The following ARHGAP23 variants were observed in gnomAD, a reference collection of about 807,000 sequenced individuals.
ARHGAP23 encodes rho GTPase-activating protein 23.
Under a neutral mutation model 136.3 loss-of-function variants are expected in ARHGAP23, and 34 were observed. The ratio of observed to expected loss-of-function variants is 0.25; its 90% CI spans 0.19 to 0.33. ARHGAP23 has a LOEUF of 0.33. Among genes scored for constraint, ARHGAP23 ranks in the 10% least tolerant of loss-of-function variants. ARHGAP23 has a pLI of 1.00. For missense variants in ARHGAP23, 1,808 were observed against 2,139.0 expected, an observed-to-expected ratio of 0.85 and a Z score of 3.05; for synonymous variants, 832 against 920.5, an observed-to-expected ratio of 0.90 and a Z score of 1.74.
chr17:38,498,322 G>C lies in ARHGAP23; in HGVS notation c.3319-92G>C. ...CCAGTGAGCCCGGTCTGATGGAGGA[G>C]ACATGGGCTCTGTCATCAGGGCACC... On this transcript the variant is annotated intron_variant, in intron 21 of 23. Coordinates refer to ENST00000622683, the MANE Select transcript of ARHGAP23 (RefSeq NM_001199417.2). 3.1e-6 allele frequency: 3 copies of C among 975,886 alleles called. No homozygotes were observed. The South Asian group carries it at 5.1e-5, about 17-fold the overall frequency. 60.5% of individuals were successfully genotyped at this position (975,886 alleles called of 1,614,324 possible).
intron 1 of ARHGAP23, among the ~76,000 whole-genome samples, chr17:38,423,126 C>T (rs575312223): frequency 1.8e-4 from 27 of 152,284 alleles, no homozygotes; most frequent in African/African-American, 6.0e-4. Flanking sequence ...TGTTGCCCTC[C>T]GTGGAATATG....
Position 38,499,127 on chromosome 17 carries a change from A to G in ARHGAP23, c.3415+617A>G, listed in dbSNP as rs544507673. Among the ~76,000 whole-genome samples the G allele has an allele frequency of 1.7e-3, 255 of 152,130 alleles. 1 individual carries two copies. Among genetic ancestry groups the G allele is most frequent in the South Asian group, 0.014 (67 of 4,822 alleles). On this transcript the variant is annotated intron_variant, in intron 22 of 23. Coordinates refer to ENST00000622683, the MANE Select transcript of ARHGAP23 (RefSeq NM_001199417.2). ...AGCAGTCCATGCCCCTCCCATTCTA[A>G]AGCCCCTTCTCAGGAGGAAGGAGGC...
At chr17:38,427,767 G>C (rs1597730675), upstream of ARHGAP23, among the ~76,000 whole-genome samples, 1 of 152,180 alleles carries the variant, frequency 6.6e-6, no homozygotes, top group South Asian at 2.1e-4. Context: ...TTCTATGCTC[G>C]ACTCCCCCTC....
intron 2 of ARHGAP23, 58 bp from the exon 3 acceptor site, chr17:38,460,847 C>T: frequency 6.5e-7 from 1 of 1,535,988 alleles, no homozygotes; most frequent in East Asian, 2.4e-5. Flanking sequence ...GGAGCTGGGC[C>T]ACCCCTGGCT....
At chr17:38,435,886 C>A (rs751687443) in intron 1 of ARHGAP23, among the ~76,000 whole-genome samples, 2 of 152,246 alleles carry the variant, frequency 1.3e-5, no homozygotes, top group African/African-American at 4.8e-5. Context: ...CAGGCGTGAG[C>A]CACCGTGCCT....
intron 1 of ARHGAP23, among the ~76,000 whole-genome samples, chr17:38,443,739 G>A (rs1364842828): frequency 1.3e-5 from 2 of 152,180 alleles, no homozygotes; most frequent in Admixed American, 1.3e-4. Flanking sequence ...CTCCCTGAAG[G>A]GAGCCCCATG....
At chr17:38,459,360 A>G (rs1257663327) in intron 2 of ARHGAP23, among the ~76,000 whole-genome samples, 6 of 152,194 alleles carry the variant, frequency 3.9e-5, no homozygotes, top group Non-Finnish European at 7.3e-5. Context: ...TCATGTGTAC[A>G]TGTAACTGTG....
At chr17:38,464,118 C>T (rs935115743) in intron 6 of ARHGAP23, among the ~76,000 whole-genome samples, 1 of 152,200 alleles carries the variant, frequency 6.6e-6, no homozygotes, top group Admixed American at 6.5e-5. Context: ...TGCTCGCAAA[C>T]ACCGCGGCAT....
At chr17:38,426,689 T>C (rs1329359724), upstream of ARHGAP23, among the ~76,000 whole-genome samples, 1 of 152,132 alleles carries the variant, frequency 6.6e-6, no homozygotes, top group African/African-American at 2.4e-5. Context: ...AGGAGTCATT[T>C]AACTGCCCCT....
upstream of ARHGAP23, among the ~76,000 whole-genome samples, chr17:38,426,976 C>T (rs1168137560): frequency 3.9e-5 from 6 of 152,158 alleles, no homozygotes; most frequent in African/African-American, 1.2e-4. Context: ...CTGGCCTTCC[C>T]GCTTTCACTG....
At chr17:38,456,636 C>T (rs2039332397) in intron 1 of ARHGAP23, among the ~76,000 whole-genome samples, 1 of 152,200 alleles carries the variant, frequency 6.6e-6, no homozygotes, top group African/African-American at 2.4e-5. Flanking sequence ...TAGGGGTCCT[C>T]TTGGCTTTTC....
chr17:38,478,478 G>A (rs529491993), intron 12 of ARHGAP23, among the ~76,000 whole-genome samples: 187 of 151,574 alleles, frequency 1.2e-3, no homozygotes, highest in South Asian at 5.4e-3. Flanking sequence ...GCAGTGGCGC[G>A]ATCTCAGCTC....
At chr17:38,487,349 C>T (rs1187538578) in intron 17 of ARHGAP23, among the ~76,000 whole-genome samples, 5 of 152,220 alleles carry the variant, frequency 3.3e-5, no homozygotes, top group African/African-American at 1.2e-4. Flanking sequence ...TTTGCTATTA[C>T]ACAACCTGTT....
chr17:38,425,179 C>T (rs1417109392), upstream of ARHGAP23, among the ~76,000 whole-genome samples: 2 of 152,340 alleles, frequency 1.3e-5, no homozygotes, highest in South Asian at 2.1e-4. Context: ...GTCACACCCC[C>T]GCCTGTGTTT....
chr17:38,427,059 C>T (rs1464661871), upstream of ARHGAP23, among the ~76,000 whole-genome samples: 1 of 152,162 alleles, frequency 6.6e-6, no homozygotes, highest in African/African-American at 2.4e-5. Flanking sequence ...ATATGGAAGC[C>T]CCTTAAACTG....
rs951217513 is a variant in ARHGAP23, at chr17:38,448,708, C to T, written c.64-9394C>T. 1.2e-4 allele frequency among the ~76,000 whole-genome samples: 18 copies of T among 145,676 alleles called. 1 individual carries two copies. In the East Asian group the frequency reaches 1.6e-3, roughly 13 times the overall value. On this transcript the variant is annotated intron_variant, in intron 1 of 23. Coordinates refer to ENST00000622683, the MANE Select transcript of ARHGAP23 (RefSeq NM_001199417.2). ...TCACCCAGGCTGGAGTGCAGTGGCG[C>T]GAACACAGCTCACTGCACCCTTGAC...
chr17:38,430,384 G>A (rs781624930), intron 1 of ARHGAP23, among the ~76,000 whole-genome samples: 1 of 152,062 alleles, frequency 6.6e-6, no homozygotes, highest in Non-Finnish European at 1.5e-5. Flanking sequence ...AGGACTGGGT[G>A]GGGGGAAGAG....
chr17:38,484,601 AGGGCATTG>A (rs71368499), intron 16 of ARHGAP23, among the ~76,000 whole-genome samples: 6,626 of 152,122 alleles, frequency 0.044, 197 homozygotes, highest in South Asian at 0.12. Context: ...AGCACTGGCC[AGGGCATTG>A]GGTTTGGCAG....
At position 38,463,216 on chromosome 17, in the gene ARHGAP23, C is replaced by T. The variant is rs1049718606; in HGVS notation, c.428+20C>T. 11 of 1,550,858 alleles carry T rather than the reference C, an allele frequency of 7.1e-6. No individual in the cohort carries two copies. In the East Asian group the frequency reaches 9.8e-5, roughly 14 times the overall value. On this transcript the variant is annotated intron_variant, in intron 5 of 23. Coordinates refer to ENST00000622683, the MANE Select transcript of ARHGAP23 (RefSeq NM_001199417.2). ...GAATAGGTGAGTGTCCCTGACCCCT[C>T]GTCCCATATTATCTCCCCTCCCCTT...
Sources: gnomAD v4.1 joint callset for allele counts (sites outside exome capture counted in the v4.1 genomes callset) on GRCh38, gnomAD v4.1.1 for gene constraint, MANE v1.5 for transcripts, NCBI Gene and HGNC (gene_info 2026-07-23, HGNC 2026-07-21) for gene names.